The following GRIN2A variants were observed in gnomAD, a reference collection of about 807,000 sequenced individuals.
GRIN2A encodes glutamate receptor ionotropic, NMDA 2A.
Under a neutral mutation model 113.4 loss-of-function variants are expected in GRIN2A, and 22 were observed. That is an observed-to-expected ratio of 0.19 (90% CI 0.14 to 0.28). The LOEUF is 0.28. GRIN2A is among the 10% of genes least tolerant of loss of function. The pLI is 1.00. For synonymous variants in GRIN2A, 827 were observed against 738.4 expected (o/e 1.12, Z -1.94); for missense variants, 1,502 against 1,887.0 (o/e 0.80, Z 3.78).
At chr16:10,006,035 T>A (rs1472020423) in intron 2 of GRIN2A, among the ~76,000 whole-genome samples, 5 of 152,228 alleles carry the variant, frequency 3.3e-5, no homozygotes, top group Admixed American at 2.6e-4. Flanking sequence ...TGAAGATCTA[T>A]GTAAGGATGT....
intron 2 of GRIN2A, among the ~76,000 whole-genome samples, chr16:10,056,954 A>G (rs2047466722): frequency 1.3e-5 from 2 of 151,382 alleles, no homozygotes; most frequent in South Asian, 4.2e-4. Context: ...CCTACCAACT[A>G]CTCCATCTCT....
intron 3 of GRIN2A, among the ~76,000 whole-genome samples, chr16:9,917,866 C>T (rs960061329): frequency 6.6e-6 from 1 of 152,228 alleles, no homozygotes; most frequent in African/African-American, 2.4e-5. Flanking sequence ...ATGAGACTGT[C>T]GTTGTACATT....
intron 7 of GRIN2A, among the ~76,000 whole-genome samples, chr16:9,838,669 G>T (rs1258211997): frequency 6.6e-6 from 1 of 152,132 alleles, no homozygotes; most frequent in African/African-American, 2.4e-5. Context: ...ATGTTTTCAA[G>T]ACTCTAAGCA....
chr16:10,081,494 G>A (rs2047982156), intron 2 of GRIN2A, among the ~76,000 whole-genome samples: 2 of 152,208 alleles, frequency 1.3e-5, no homozygotes, highest in South Asian at 4.1e-4. Flanking sequence ...AAGCACTGAA[G>A]ATTAATGCTC....
intron 2 of GRIN2A, among the ~76,000 whole-genome samples, chr16:10,153,391 C>T (rs1626306): frequency 0.61 from 92,247 of 151,920 alleles, 28,463 homozygotes; most frequent in East Asian, 0.92. Flanking sequence ...GGGGACTCTA[C>T]GAAGGGGATA....
intron 2 of GRIN2A, among the ~76,000 whole-genome samples, chr16:10,127,472 C>G (rs1269332026): frequency 6.6e-6 from 1 of 152,156 alleles, no homozygotes; most frequent in Non-Finnish European, 1.5e-5. Context: ...CCAATCTTAG[C>G]CTAACTACCA....
intron 12 of GRIN2A, among the ~76,000 whole-genome samples, chr16:9,768,206 G>A (rs544871267): frequency 2.0e-5 from 3 of 152,026 alleles, no homozygotes; most frequent in South Asian, 2.1e-4. Flanking sequence ...GACTACAGGC[G>A]CCCGGCTAAT....
chr16:9,999,770 G>A (rs916445553), intron 2 of GRIN2A, among the ~76,000 whole-genome samples: 2 of 152,084 alleles, frequency 1.3e-5, no homozygotes, highest in African/African-American at 4.8e-5. Context: ...AGCAAGATAC[G>A]GAGGCTAATC....
In GRIN2A at chr16:9,929,723, A is replaced by G. The variant is rs1048969160; in HGVS notation, c.1007+8236T>C. 3.3e-5 allele frequency among the ~76,000 whole-genome samples: 5 copies of G among 152,320 alleles called. No homozygotes were observed. The South Asian group carries it at 1.0e-3, about 32-fold the overall frequency. On this transcript the variant is annotated intron_variant, in intron 3 of 12. Transcript: ENST00000330684. ...CAACAAATAATTAGCACATGTCACCAAATTACTAAATTTCAAAATGAAAAC... is the reference window on the plus strand; with the variant it reads ...CAACAAATAATTAGCACATGTCACCGAATTACTAAATTTCAAAATGAAAAC...
At chr16:10,049,025 G>A (rs548081129) in intron 2 of GRIN2A, among the ~76,000 whole-genome samples, 5 of 152,202 alleles carry the variant, frequency 3.3e-5, no homozygotes, top group South Asian at 2.1e-4. Flanking sequence ...CCTCCCAGTC[G>A]TTGCTATTCC....
chr16:9,762,879 C>G lies in GRIN2A; in HGVS notation c.*270G>C. On this transcript the variant is annotated 3_prime_UTR_variant, in exon 13 of 13. Transcript: ENST00000330684. Reference sequence around the variant, plus strand: ...TTGCCAACATACCCAGTAGGCATGTCCCGGAGACTTGCCCTTATGTAGTTA... The same window carrying G: ...TTGCCAACATACCCAGTAGGCATGTGCCGGAGACTTGCCCTTATGTAGTTA... The G allele has an allele frequency of 1.8e-6, 1 of 544,032 alleles. No homozygotes were observed. Among genetic ancestry groups the G allele is most frequent in the Non-Finnish European group, 3.3e-6 (1 of 303,634 alleles). The allele number at this position is 544,032 out of a possible 1,614,324, so 33.7% of individuals were successfully genotyped here.
chr16:9,818,020 A>G (rs1003687764), intron 10 of GRIN2A, among the ~76,000 whole-genome samples: 2 of 151,120 alleles, frequency 1.3e-5, no homozygotes, highest in Non-Finnish European at 3.0e-5. Flanking sequence ...GACGAGAATG[A>G]CTTTTTTTTT....
At chr16:9,930,253 G>C (rs1449649137) in intron 3 of GRIN2A, among the ~76,000 whole-genome samples, 3 of 152,144 alleles carry the variant, frequency 2.0e-5, no homozygotes, top group African/African-American at 7.2e-5. Flanking sequence ...CTAGATGCTT[G>C]ACTAAGCACA....
rs2042490378 is a variant in GRIN2A, at chr16:9,831,400, C to T, written c.1778-1748G>A. ...CACCTTCTTAACTGCCCTCCCCGTC[C>T]CCGCTTCCAACTGTTGTCCCCACAC... On this transcript the variant is annotated intron_variant, in intron 8 of 12. Coordinates refer to ENST00000330684, the MANE Select transcript of GRIN2A (RefSeq NM_001134407.3). Among the ~76,000 whole-genome samples the T allele has an allele frequency of 2.0e-5, 3 of 152,146 alleles. No individual in the cohort carries two copies. In the South Asian group the frequency reaches 6.2e-4, roughly 32 times the overall value.
Position 10,180,545 on chromosome 16 carries a change from G to T in GRIN2A, c.-18-116C>A, listed in dbSNP as rs1447704037. ...GGCATGGAACTCAGCAGCAGGATAG[G>T]CTGCTGGGATCACGGACTCCATTCC... On this transcript the variant is annotated intron_variant, in intron 1 of 12. Transcript: ENST00000330684. The surrounding 1 kb of genome is among the most constrained non-coding windows in gnomAD (Gnocchi z 7.0). 2.7e-6 allele frequency: 4 copies of T among 1,503,804 alleles called. No individual in the cohort carries two copies. In the East Asian group the frequency reaches 9.8e-5, roughly 37 times the overall value. The allele number at this position is 1,503,804 out of a possible 1,614,324, so 93.2% of individuals were successfully genotyped here.
chr16:9,821,007 A>G (rs1004804994), intron 10 of GRIN2A, among the ~76,000 whole-genome samples: 4 of 152,314 alleles, frequency 2.6e-5, no homozygotes, highest in East Asian at 1.9e-4. Context: ...CAGAATGCTC[A>G]CAGCCAAAAC....
At chr16:9,958,332 G>A (rs148457222) in intron 2 of GRIN2A, among the ~76,000 whole-genome samples, 1 of 152,184 alleles carries the variant, frequency 6.6e-6, no homozygotes, top group Non-Finnish European at 1.5e-5. Context: ...GCTGATGTGG[G>A]CAATGTTGGT....
chr16:10,125,955 G>A (rs573299484), intron 2 of GRIN2A, among the ~76,000 whole-genome samples: 1 of 152,194 alleles, frequency 6.6e-6, no homozygotes, highest in South Asian at 2.1e-4. Flanking sequence ...GGGCCAGGAG[G>A]TGGGAGACAA....
chr16:9,821,206 C>G (rs886219619), intron 10 of GRIN2A, among the ~76,000 whole-genome samples: 4 of 152,158 alleles, frequency 2.6e-5, no homozygotes, highest in African/African-American at 9.7e-5. Flanking sequence ...TCTGTGACAA[C>G]TGAAATGCCC....
Sources: allele counts gnomAD v4.1 joint callset (sites outside exome capture counted in the v4.1 genomes callset), GRCh38; gene constraint gnomAD v4.1.1; non-coding constraint Gnocchi (gnomAD v3.1); transcripts MANE v1.5; gene names NCBI Gene and HGNC (gene_info 2026-07-23, HGNC 2026-07-21).